NOVA1: variants seen among roughly 807,000 people sequenced by gnomAD.
The protein encoded by NOVA1 is NOVA alternative splicing regulator 1, also known as RNA-binding protein Nova-1.
Under a neutral mutation model 38.0 loss-of-function variants are expected in NOVA1, and 7 were observed. The observed-to-expected ratio is 0.18, with a 90% CI of 0.10 to 0.35. The LOEUF is 0.35. NOVA1 is among the 10% of genes least tolerant of loss of function. The pLI is 1.00. For missense variants in NOVA1, 460 were observed against 616.0 expected (o/e 0.75, Z 2.68); for synonymous variants, 270 against 232.5 (o/e 1.16, Z -1.47).
At chr14:26,579,592 T>G (rs1893085465) in intron 2 of NOVA1, among the ~76,000 whole-genome samples, 1 of 152,146 alleles carries the variant, frequency 6.6e-6, no homozygotes. Context: ...AATATTTAAT[T>G]TACTATATGA....
intron 1 of NOVA1, chr14:26,596,665 G>C (rs1796947798): frequency 1.6e-5 from 21 of 1,289,082 alleles, no homozygotes; most frequent in Non-Finnish European, 2.0e-5. Flanking sequence ...TTCCAAGGAA[G>C]CGCAGGATGT....
chr14:26,452,417 G>A (rs1308236968), intron 4 of NOVA1, among the ~76,000 whole-genome samples: 1 of 152,152 alleles, frequency 6.6e-6, no homozygotes, highest in African/African-American at 2.4e-5. Context: ...TGAGATGGTG[G>A]ACAACTGAAT....
At chr14:26,483,814 CA>C (rs1412650741) in intron 2 of NOVA1, among the ~76,000 whole-genome samples, 2 of 152,082 alleles carry the variant, frequency 1.3e-5, no homozygotes, top group Non-Finnish European at 2.9e-5. Context: ...ACTCTCCAGA[CA>C]AAAGAAGACT....
intron 2 of NOVA1, among the ~76,000 whole-genome samples, chr14:26,538,264 T>G (rs1243157072): frequency 1.3e-5 from 2 of 152,032 alleles, no homozygotes; most frequent in African/African-American, 4.8e-5. Context: ...TAAGTAGTAA[T>G]CAAAGACAAA....
intron 2 of NOVA1, among the ~76,000 whole-genome samples, chr14:26,538,543 C>T (rs1890259234): frequency 6.6e-6 from 1 of 152,072 alleles, no homozygotes; most frequent in African/African-American, 2.4e-5. Context: ...TACCCCATTT[C>T]TAATCCATTT....
intron 2 of NOVA1, among the ~76,000 whole-genome samples, chr14:26,574,198 G>A (rs1230658240): frequency 7.1e-6 from 1 of 141,644 alleles, no homozygotes; most frequent in Non-Finnish European, 1.5e-5. Context: ...GCTAATTTTT[G>A]TATTTTCAGT....
At chr14:26,519,558 T>C (rs945229751) in intron 2 of NOVA1, 2 of 152,094 alleles carry the variant, frequency 1.3e-5, no homozygotes, top group African/African-American at 2.4e-5. Flanking sequence ...TTAACACCTA[T>C]GCAAAAGAAG....
rs563999110 is a variant in NOVA1, at chr14:26,464,788, T to C, written c.519+7532A>G. On this transcript the variant is annotated intron_variant, in intron 4 of 4. Coordinates refer to ENST00000539517, the MANE Select transcript of NOVA1 (RefSeq NM_002515.3). ...TTAATTTAAAAAGGATTGATATTCC[T>C]ATATTAAATCTTCCCCACGAAAATT... Among the ~76,000 whole-genome samples, 16 of 152,300 alleles carry C rather than the reference T, an allele frequency of 1.1e-4. 1 individual carries two copies. In the East Asian group the frequency reaches 1.5e-3, roughly 15 times the overall value.
intron 4 of NOVA1, among the ~76,000 whole-genome samples, chr14:26,471,410 T>C (rs1391703292): frequency 6.6e-6 from 1 of 151,728 alleles, no homozygotes; most frequent in Non-Finnish European, 1.5e-5. Flanking sequence ...ACAGATAAGC[T>C]TATATTTAAT....
rs953956040 is a variant in NOVA1, at chr14:26,527,473, A to G, written c.281-47330T>C. ...GCCCAGAGCATGGTAACCCATCTCC[A>G]ATTCAGGATACCGCCAAAAACAAAA... On this transcript the variant is annotated intron_variant, in intron 2 of 4. Transcript: ENST00000539517. Among the ~76,000 whole-genome samples the G allele has an allele frequency of 8.5e-5, 13 of 152,074 alleles. 1 individual carries two copies. The highest frequency in any genetic ancestry group is 4.6e-4 in the Admixed American group (7 of 15,262).
chr14:26,466,254 A>G (rs1566445733), intron 4 of NOVA1, among the ~76,000 whole-genome samples: 1 of 152,344 alleles, frequency 6.6e-6, no homozygotes, highest in East Asian at 1.9e-4. Context: ...GCCTTTTCTT[A>G]TAAGTTAACT....
chr14:26,597,007 T>G, intron 1 of NOVA1: 1 of 1,256,236 alleles, frequency 8.0e-7, no homozygotes, highest in Non-Finnish European at 1.0e-6. Context: ...TCTAGGATAT[T>G]TACATGGTCA....
intron 2 of NOVA1, among the ~76,000 whole-genome samples, chr14:26,519,959 T>C (rs1888753527): frequency 6.6e-6 from 1 of 152,228 alleles, no homozygotes. Context: ...GTTTGCATTA[T>C]TCAAGGTAGT....
chr14:26,462,911 A>ACAG (rs2138211903), intron 4 of NOVA1, among the ~76,000 whole-genome samples: 1 of 152,322 alleles, frequency 6.6e-6, no homozygotes, highest in South Asian at 2.1e-4. Flanking sequence ...TTATATTTTA[A>ACAG]AAACAAAGTA....
At chr14:26,487,135 C>T (rs925708241) in intron 2 of NOVA1, among the ~76,000 whole-genome samples, 1 of 152,090 alleles carries the variant, frequency 6.6e-6, no homozygotes, top group Non-Finnish European at 1.5e-5. Flanking sequence ...AAAAGCTCCA[C>T]TGAAGGACAT....
chr14:26,589,938 C>A (rs1312531545), intron 2 of NOVA1, among the ~76,000 whole-genome samples: 1 of 151,816 alleles, frequency 6.6e-6, no homozygotes, highest in Non-Finnish European at 1.5e-5. Context: ...AGCACTACTT[C>A]ATTCCTTGCA....
intron 2 of NOVA1, among the ~76,000 whole-genome samples, chr14:26,495,630 A>G (rs1018810752): frequency 2.0e-5 from 3 of 148,654 alleles, no homozygotes; most frequent in Non-Finnish European, 4.5e-5. Context: ...ATATCACCCA[A>G]TGCTATCCCT....
chr14:26,515,394 GTTGA>G (rs1225828427), intron 2 of NOVA1, among the ~76,000 whole-genome samples: 3 of 151,894 alleles, frequency 2.0e-5, no homozygotes, highest in African/African-American at 7.2e-5. Flanking sequence ...ATTACTCAAA[GTTGA>G]TAACAATTGC....
intron 2 of NOVA1, among the ~76,000 whole-genome samples, chr14:26,516,291 A>G (rs1352021893): frequency 6.6e-6 from 1 of 152,126 alleles, no homozygotes; most frequent in African/African-American, 2.4e-5. Flanking sequence ...TATTGCAAGT[A>G]TATGCTCTCA....
Sources: allele counts gnomAD v4.1 joint callset (sites outside exome capture counted in the v4.1 genomes callset), GRCh38; gene constraint gnomAD v4.1.1; transcripts MANE v1.5; gene names NCBI Gene and HGNC (gene_info 2026-07-23, HGNC 2026-07-21).